COBL: variants seen among roughly 807,000 people sequenced by gnomAD.
COBL encodes the protein protein cordon-bleu.
In COBL, 51 loss-of-function variants were observed where a neutral mutation model predicts 98.8. The ratio of observed to expected loss-of-function variants is 0.52; its 90% CI spans 0.41 to 0.65. The LOEUF is 0.65. Among genes scored for constraint, COBL ranks in the 30% least tolerant of loss-of-function variants. The probability of loss-of-function intolerance (pLI) is 0.00; values close to 1 mark genes in which losing one functional copy is unlikely to be tolerated. For missense variants in COBL, 1,617 were observed against 1,617.5 expected, an observed-to-expected ratio of 1.00 and a Z score of 0.01; for synonymous variants, 634 against 651.7, an observed-to-expected ratio of 0.97 and a Z score of 0.41.
At chr7:51,223,326 G>A (rs1793841269) in intron 1 of COBL, among the ~76,000 whole-genome samples, 1 of 152,232 alleles carries the variant, frequency 6.6e-6, no homozygotes, top group South Asian at 2.1e-4. Flanking sequence ...ATTGTAATAT[G>A]TCACACTAAC....
At chr7:51,284,950 T>A (rs1017013105) in intron 1 of COBL, among the ~76,000 whole-genome samples, 1 of 141,644 alleles carries the variant, frequency 7.1e-6, no homozygotes, top group African/African-American at 2.6e-5. Flanking sequence ...TCCATCCAAC[T>A]TTTTTTTTTT....
intron 8 of COBL, among the ~76,000 whole-genome samples, chr7:51,038,617 CGT>C (rs760709296): frequency 6.6e-6 from 1 of 152,168 alleles, no homozygotes; most frequent in Non-Finnish European, 1.5e-5. Context: ...GTTCCCAAAC[CGT>C]GTTTAGTGAA....
chr7:51,211,425 G>A (rs1792418583), intron 2 of COBL, among the ~76,000 whole-genome samples: 1 of 152,294 alleles, frequency 6.6e-6, no homozygotes, highest in East Asian at 1.9e-4. Flanking sequence ...CACCTCACAG[G>A]GTGGATAGAG....
At chr7:51,161,405 G>A in intron 5 of COBL, among the ~76,000 whole-genome samples, 1 of 152,126 alleles carries the variant, frequency 6.6e-6, no homozygotes. Context: ...TTATTTTACT[G>A]GTGGGCTTCC....
At chr7:51,043,285 T>G in intron 8 of COBL, 98 bp downstream of exon 8, 1 of 1,221,718 alleles carries the variant, frequency 8.2e-7, no homozygotes, top group Non-Finnish European at 1.2e-6. Context: ...GCAGAGCAGG[T>G]TGTGATAGCA....
At chr7:51,053,171 T>C (rs921999996) in intron 7 of COBL, among the ~76,000 whole-genome samples, 4 of 152,240 alleles carry the variant, frequency 2.6e-5, no homozygotes, top group Non-Finnish European at 5.9e-5. Flanking sequence ...TCATTTAAAA[T>C]AAAAATTATT....
chr7:51,272,012 G>A (rs2129165193), intron 1 of COBL, among the ~76,000 whole-genome samples: 1 of 152,340 alleles, frequency 6.6e-6, no homozygotes, highest in Non-Finnish European at 1.5e-5. Context: ...CTGGGTGACA[G>A]AGCAAGACTG....
chr7:51,193,644 G>T, intron 2 of COBL, 55 bp from the exon 3 acceptor site: 3 of 1,516,294 alleles, frequency 2.0e-6, no homozygotes, highest in Non-Finnish European at 2.7e-6. Context: ...TCTCTCTTTT[G>T]CCTGGCTAAA....
At chr7:51,315,044 T>A (rs1803406395) in intron 1 of COBL, among the ~76,000 whole-genome samples, 1 of 152,216 alleles carries the variant, frequency 6.6e-6, no homozygotes, top group African/African-American at 2.4e-5. Context: ...GTCTTCATAT[T>A]TATTTATAAG....
At chr7:51,222,692 A>C (rs964130652) in intron 1 of COBL, among the ~76,000 whole-genome samples, 1 of 151,674 alleles carries the variant, frequency 6.6e-6, no homozygotes, top group African/African-American at 2.4e-5. Context: ...AGACATTAGC[A>C]TTACCTCCCA....
intron 6 of COBL, among the ~76,000 whole-genome samples, chr7:51,133,190 G>A (rs199714062): frequency 2.0e-5 from 3 of 147,078 alleles, no homozygotes; most frequent in African/African-American, 5.5e-5. Flanking sequence ...AGAAAATCCT[G>A]TGCAGAACAG....
At chr7:51,254,335 T>C (rs1175215699) in intron 1 of COBL, among the ~76,000 whole-genome samples, 1 of 152,214 alleles carries the variant, frequency 6.6e-6, no homozygotes, top group Non-Finnish European at 1.5e-5. Context: ...CCGATGATTA[T>C]ACTGTAGTCC....
At chr7:51,302,938 TG>T (rs774694555) in intron 1 of COBL, among the ~76,000 whole-genome samples, 8 of 152,164 alleles carry the variant, frequency 5.3e-5, no homozygotes, top group Non-Finnish European at 1.0e-4. Context: ...ACTCAGTTTT[TG>T]GCATGTGCTA....
rs145156717 is a variant in COBL at position 51,076,735 on chromosome 7, C to T, written c.1096+8431G>A. ...GGGGGGGGTTGCTTAGAACAGGAGA[C>T]AATGACCTATCTTCCCTTTATGCCT... On this transcript the variant is annotated intron_variant, in intron 7 of 12. Transcript: ENST00000265136. 2.0e-5 allele frequency among the ~76,000 whole-genome samples: 3 copies of T among 152,252 alleles called. No homozygotes were observed. The East Asian group carries it at 5.8e-4, about 29-fold the overall frequency.
At position 51,065,539 on chromosome 7, in the gene COBL, G is replaced by C. The variant is rs56699619; in HGVS notation, c.1096+19627C>G. On this transcript the variant is annotated intron_variant, in intron 7 of 12. Transcript: ENST00000265136. ...CACATACAGTGTTGGGCTAGGGTGG[G>C]CTACAGCCAGCTTTGGGCAAAATCA... is the stretch of plus-strand genomic sequence containing the variant. 9.0e-5 allele frequency: 55 copies of C among 613,222 alleles called. No homozygotes were observed. The African/African-American group carries it at 9.5e-4, about 11-fold the overall frequency. 38.0% of individuals were successfully genotyped at this position (613,222 alleles called of 1,614,324 possible).
intron 1 of COBL, among the ~76,000 whole-genome samples, chr7:51,277,293 G>A (rs991213970): frequency 7.9e-5 from 12 of 152,256 alleles, no homozygotes; most frequent in South Asian, 2.1e-4. Flanking sequence ...TAAGAGAGAA[G>A]GTATGTGTGT....
chr7:51,125,811 C>T (rs926308431), intron 6 of COBL, among the ~76,000 whole-genome samples: 5 of 152,162 alleles, frequency 3.3e-5, no homozygotes, highest in African/African-American at 7.2e-5. Context: ...AGAACATCCG[C>T]GTACTCATTC....
At chr7:51,273,253 T>C (rs758388488) in intron 1 of COBL, among the ~76,000 whole-genome samples, 16 of 145,100 alleles carry the variant, frequency 1.1e-4, no homozygotes, top group Non-Finnish European at 1.8e-4. Context: ...CGCTTGAACC[T>C]GGAGGCAGAG....
At chr7:51,270,970 G>A (rs1162880921) in intron 1 of COBL, among the ~76,000 whole-genome samples, 1 of 152,164 alleles carries the variant, frequency 6.6e-6, no homozygotes, top group Non-Finnish European at 1.5e-5. Context: ...GGGGTCATGA[G>A]CTAAGGAGTG....
Sources: gnomAD v4.1 joint callset for allele counts (sites outside exome capture counted in the v4.1 genomes callset) on GRCh38, gnomAD v4.1.1 for gene constraint, MANE v1.5 for transcripts, NCBI Gene and HGNC (gene_info 2026-07-23, HGNC 2026-07-21) for gene names.